Variants in ZC4H2 observed in about 807,000 individuals in gnomAD.
The protein encoded by ZC4H2 is zinc finger C4H2-type containing, also known as zinc finger C4H2 domain-containing protein.
For missense variants in ZC4H2, 137 were observed against 173.9 expected (o/e 0.79, Z 1.19); for synonymous variants, 84 against 66.3 (o/e 1.27, Z -1.30).
At chrX:64,941,574 C>T (rs893054104) in intron 1 of ZC4H2, among the ~76,000 whole-genome samples, 2 of 111,872 alleles carry the variant, frequency 1.8e-5, no homozygotes, top group African/African-American at 3.2e-5. Context: ...TCCATCAATA[C>T]CTAGTTTATG....
chrX:64,929,380 A>T (rs1242365438), intron 1 of ZC4H2, among the ~76,000 whole-genome samples: 1 of 111,676 alleles, frequency 9.0e-6, no homozygotes, highest in African/African-American at 3.3e-5. Context: ...ATTAGGTCCC[A>T]TTTATTTATT....
At position 65,030,341 on chromosome X, in the gene ZC4H2, G is replaced by A. The variant is rs372244693; in HGVS notation, c.-272+4288C>T. The stretch of plus-strand genomic sequence containing the variant: ...TTGCTACATTGCCCAGGCTGGTCTC[G>A]AGCTCAAGCAATCCACCTGCCTTGA... On this transcript the variant is annotated intron_variant, in intron 1 of 4. Coordinates refer to the ZC4H2 transcript ENST00000337990. 4.6e-5 allele frequency among the ~76,000 whole-genome samples: 5 copies of A among 109,876 alleles called. No individual in the cohort carries two copies. In the East Asian group the frequency reaches 1.4e-3, roughly 32 times the overall value.
chrX:64,933,425 A>G (rs2147364449), intron 1 of ZC4H2, among the ~76,000 whole-genome samples: 1 of 111,440 alleles, frequency 9.0e-6, no homozygotes, highest in South Asian at 3.7e-4. Flanking sequence ...ATGATTTAGA[A>G]CCCTGTCTTG....
chrX:64,979,089 G>A (rs1255201205), upstream of ZC4H2, among the ~76,000 whole-genome samples: 2 of 111,693 alleles, frequency 1.8e-5, no homozygotes, highest in African/African-American at 3.3e-5. Flanking sequence ...AAGCCTCACC[G>A]AAATCCTAGT....
At chrX:65,009,316 C>T (rs1932720821) in intron 1 of ZC4H2, among the ~76,000 whole-genome samples, 1 of 110,521 alleles carries the variant, frequency 9.0e-6, no homozygotes, top group Non-Finnish European at 1.9e-5. Flanking sequence ...CTGAAATTGA[C>T]CCAAATTAAC....
chrX:64,998,935 A>G (rs1932470988), intron 1 of ZC4H2, among the ~76,000 whole-genome samples: 1 of 106,651 alleles, frequency 9.4e-6, no homozygotes, highest in Non-Finnish European at 1.9e-5. Context: ...CCTTTGAATT[A>G]CTATTTTCAT....
chrX:65,034,337 C>T (rs1441956565), intron 1 of ZC4H2, among the ~76,000 whole-genome samples: 1 of 111,694 alleles, frequency 9.0e-6, no homozygotes, highest in African/African-American at 3.3e-5. Flanking sequence ...GGAGGTGACC[C>T]TTAACCACCT....
At chrX:64,970,343 T>C (rs1931734930) in intron 1 of ZC4H2, among the ~76,000 whole-genome samples, 1 of 111,467 alleles carries the variant, frequency 9.0e-6, no homozygotes, top group African/African-American at 3.3e-5. Context: ...AATTTGCCCA[T>C]CCACAAGTCC....
Position 64,917,465 on chromosome X carries a change from TC to T in ZC4H2, c.*317del, listed in dbSNP as rs1928985015. 1 of 207,203 alleles carries T rather than the reference TC, an allele frequency of 4.8e-6. No homozygotes were observed. The highest frequency in any genetic ancestry group is 6.4e-5 in the Admixed American group (1 of 15,530). The allele number at this position is 207,203 out of a possible 1,213,427, so 17.1% of individuals were successfully genotyped here. ...CCTACAGCTCCTTAGGCTCCAGGCCTCAGGCACAAGAGATAGAGAATCATAT... is the reference window on the plus strand; with the variant it reads ...CCTACAGCTCCTTAGGCTCCAGGCCTAGGCACAAGAGATAGAGAATCATAT... On this transcript the variant is annotated 3_prime_UTR_variant, in exon 5 of 5. Coordinates refer to ENST00000374839, the MANE Select transcript of ZC4H2 (RefSeq NM_018684.4).
chrX:65,016,904 G>A (rs1223768722), intron 1 of ZC4H2, among the ~76,000 whole-genome samples: 1 of 111,922 alleles, frequency 8.9e-6, no homozygotes, highest in Non-Finnish European at 1.9e-5. Context: ...GGAAGGAGGA[G>A]CAGCTGAGAC....
chrX:65,004,713 T>C, intron 1 of ZC4H2, among the ~76,000 whole-genome samples: 1 of 107,569 alleles, frequency 9.3e-6, no homozygotes, highest in Middle Eastern at 4.6e-3. Flanking sequence ...TTCAACATAG[T>C]ATTGGAAGTT....
At chrX:64,994,826 G>T (rs773202956) in intron 1 of ZC4H2, among the ~76,000 whole-genome samples, 1 of 111,230 alleles carries the variant, frequency 9.0e-6, no homozygotes, top group Non-Finnish European at 1.9e-5. Flanking sequence ...TCCACAAAAA[G>T]AATTTCATGC....
At chrX:64,923,683 ATT>A (rs58475253) in intron 1 of ZC4H2, among the ~76,000 whole-genome samples, 3,681 of 98,502 alleles carry the variant, frequency 0.037, 162 homozygotes, top group African/African-American at 0.13. Context: ...ATGTTATTGT[ATT>A]TTTTTTTTTT....
rs1555942026 is a variant in ZC4H2 at position 64,954,356 on chromosome X, T to TATATA, written c.53+21968_53+21969insTATAT. 1.5e-4 allele frequency among the ~76,000 whole-genome samples: 10 copies of TATATA among 67,386 alleles called. 1 individual carries two copies. The highest frequency in any genetic ancestry group is 1.2e-3 in the African/African-American group (9 of 7,204). 58.5% of individuals were successfully genotyped at this position (67,386 alleles called of 115,157 possible). On this transcript the variant is annotated intron_variant, in intron 1 of 4. Coordinates refer to ENST00000374839, the MANE Select transcript of ZC4H2 (RefSeq NM_018684.4). The stretch of plus-strand genomic sequence containing the variant: ...TATATATAATTATATATATATATAA[T>TATATA]TATATATATATATATAATTATATAT...
rs1355295025 is a variant in ZC4H2 at position 64,916,694 on chromosome X, C to T, written c.*1089G>A. The T allele has an allele frequency of 9.0e-6, 1 of 111,150 alleles. No homozygotes were observed. Among genetic ancestry groups the T allele is most frequent in the African/African-American group, 3.3e-5 (1 of 30,544 alleles). 9.2% of individuals were successfully genotyped at this position (111,150 alleles called of 1,213,427 possible). ...TTTGGTGGAAAGGAGAGCTGTGGGG[C>T]TTGGGGAGCCTGATGCCTTTTCTTT... On this transcript the variant is annotated 3_prime_UTR_variant, in exon 5 of 5. Transcript: ENST00000374839.
chrX:64,964,345 G>A (rs866344585), intron 1 of ZC4H2, among the ~76,000 whole-genome samples: 43 of 110,816 alleles, frequency 3.9e-4, no homozygotes, highest in African/African-American at 1.1e-3. Flanking sequence ...AAAGCTACAC[G>A]CCCACTGATC....
At chrX:65,015,420 C>G (rs1311960623) in intron 1 of ZC4H2, among the ~76,000 whole-genome samples, 1 of 112,094 alleles carries the variant, frequency 8.9e-6, no homozygotes, top group Non-Finnish European at 1.9e-5. Context: ...TTATAGATTA[C>G]CTACTATGTT....
chrX:64,989,644 A>G (rs1388511920), intron 1 of ZC4H2, among the ~76,000 whole-genome samples: 1 of 112,401 alleles, frequency 8.9e-6, no homozygotes, highest in Non-Finnish European at 1.9e-5. Context: ...TCAACAAAAG[A>G]CTAGCATCTA....
intron 1 of ZC4H2, among the ~76,000 whole-genome samples, chrX:65,025,047 G>T (rs762583378): frequency 6.4e-5 from 7 of 109,853 alleles, no homozygotes. Flanking sequence ...TCAACTGAAA[G>T]AAATTGCCTG....
Sources: gnomAD v4.1 joint callset for allele counts (sites outside exome capture counted in the v4.1 genomes callset) on GRCh38, gnomAD v4.1.1 for gene constraint, MANE v1.5 for transcripts, NCBI Gene and HGNC (gene_info 2026-07-23, HGNC 2026-07-21) for gene names.